Variants in TNRC6B observed in about 807,000 individuals in gnomAD.
TNRC6B encodes the protein trinucleotide repeat-containing gene 6B protein.
A neutral mutation model predicts 203.6 loss-of-function variants in TNRC6B; 52 were observed. That is an observed-to-expected ratio of 0.26 (90% CI 0.20 to 0.32). The LOEUF (loss-of-function observed/expected upper bound fraction) is 0.32, where lower values mean the gene tolerates loss of function less well. TNRC6B is among the 10% of genes least tolerant of loss of function. The probability of loss-of-function intolerance (pLI) is 1.00; values close to 1 mark genes in which losing one functional copy is unlikely to be tolerated. For synonymous variants in TNRC6B, 838 were observed against 845.7 expected (o/e 0.99, Z 0.16); for missense variants, 1,923 against 2,286.2 (o/e 0.84, Z 3.24).
intron 1 of TNRC6B, among the ~76,000 whole-genome samples, chr22:40,072,196 CAG>C (rs1191101444): frequency 6.6e-6 from 1 of 152,056 alleles, no homozygotes; most frequent in Non-Finnish European, 1.5e-5. Flanking sequence ...TATTCAGACA[CAG>C]AGATTGAAAT....
At chr22:40,151,573 A>AC (rs2068755677) in intron 3 of TNRC6B, among the ~76,000 whole-genome samples, 1 of 137,950 alleles carries the variant, frequency 7.2e-6, no homozygotes, top group Non-Finnish European at 1.6e-5. Flanking sequence ...AAAAACTAAA[A>AC]CAAAAACTCT....
chr22:40,062,545 C>T (rs1344666873), intron 1 of TNRC6B, among the ~76,000 whole-genome samples: 2 of 152,126 alleles, frequency 1.3e-5, no homozygotes, highest in Non-Finnish European at 1.5e-5. Flanking sequence ...AACCATTTGA[C>T]GAACAACCAG....
At chr22:40,169,550 G>A (rs569248447) in intron 4 of TNRC6B, among the ~76,000 whole-genome samples, 93 of 152,234 alleles carry the variant, frequency 6.1e-4, no homozygotes, top group Non-Finnish European at 6.0e-4. Flanking sequence ...AATATACTGC[G>A]TACTTACATA....
chr22:40,252,715 G>A (rs1465617433), intron 3 of TNRC6B, among the ~76,000 whole-genome samples: 1 of 152,142 alleles, frequency 6.6e-6, no homozygotes, highest in Non-Finnish European at 1.5e-5. Flanking sequence ...CCAGAAGTAG[G>A]CTTTATTTTG....
In TNRC6B at chr22:40,198,626, A is replaced by G. The variant is rs565102281; in HGVS notation, c.5+20486A>G. 2.0e-5 allele frequency among the ~76,000 whole-genome samples: 3 copies of G among 152,246 alleles called. No homozygotes were observed. In the South Asian group the frequency reaches 6.2e-4, roughly 32 times the overall value. ...AAGTATGTTCAGGATAATGGCCCCCAGCAGCTCTCACTGTTGAAGAACATT... is the reference window on the plus strand; with the variant it reads ...AAGTATGTTCAGGATAATGGCCCCCGGCAGCTCTCACTGTTGAAGAACATT... On this transcript the variant is annotated intron_variant, in intron 1 of 22. Coordinates refer to ENST00000454349, the MANE Select transcript of TNRC6B (RefSeq NM_001162501.2).
chr22:40,064,993 A>G (rs1475274450), intron 1 of TNRC6B, among the ~76,000 whole-genome samples: 4 of 151,850 alleles, frequency 2.6e-5, no homozygotes, highest in Non-Finnish European at 4.4e-5. Flanking sequence ...TATGTTCATA[A>G]GAGATAATGG....
At chr22:40,096,882 A>T (rs997003420) in intron 1 of TNRC6B, among the ~76,000 whole-genome samples, 3 of 152,216 alleles carry the variant, frequency 2.0e-5, no homozygotes, top group Non-Finnish European at 4.4e-5. Context: ...ATTGTTCTGA[A>T]AAGAACAAGT....
rs1195687611 is a variant in TNRC6B at position 40,266,458 on chromosome 22, C to A, written c.2228C>A (p.Ser743Tyr). 1 of 1,613,686 alleles carries A rather than the reference C, an allele frequency of 6.2e-7. No individual in the cohort carries two copies. The highest frequency in any genetic ancestry group is 8.5e-7 in the Non-Finnish European group (1 of 1,179,788). ...GGGRQPNQGW[S>Y]SGKNGWGEEV... is the part of the protein sequence containing the mutation. The stretch of plus-strand genomic sequence containing the variant: ...GGACGCCAGCCCAATCAAGGATGGT[C>A]TTCTGGAAAGAATGGTTGGGGGGAG... The change falls in exon 5 of 23, where the codon TCT (serine) becomes TAT (tyrosine). Residue 743 changes from serine (S) to tyrosine (Y), a missense_variant. This residue lies in a region of TNRC6B where 599 missense variants were observed against 656.5 expected (regional missense o/e 0.91). Transcript: ENST00000454349.
intron 1 of TNRC6B, among the ~76,000 whole-genome samples, chr22:40,063,234 A>C (rs377756191): frequency 3.5e-4 from 54 of 152,160 alleles, no homozygotes; most frequent in African/African-American, 1.3e-3. Flanking sequence ...ATTGGCTGTA[A>C]TTGAGGGTTT....
At chr22:40,304,370 C>T (rs955783086) in intron 15 of TNRC6B, among the ~76,000 whole-genome samples, 1 of 152,100 alleles carries the variant, frequency 6.6e-6, no homozygotes, top group South Asian at 2.1e-4. Context: ...CTGGTAATCC[C>T]AGCACTTTGG....
intron 3 of TNRC6B, among the ~76,000 whole-genome samples, chr22:40,130,632 A>C (rs2068532929): frequency 6.6e-6 from 1 of 151,306 alleles, no homozygotes; most frequent in Non-Finnish European, 1.5e-5. Flanking sequence ...ATGCAAAAAA[A>C]AAAAATTAGC....
chr22:40,264,635 A>G, intron 4 of TNRC6B, 53 bp from the exon 5 acceptor site: 1 of 1,521,034 alleles, frequency 6.6e-7, no homozygotes, highest in Non-Finnish European at 8.8e-7. Context: ...TGAGGGATTA[A>G]TGGGTAATGA....
intron 1 of TNRC6B, among the ~76,000 whole-genome samples, chr22:40,239,160 G>A (rs1601911205): frequency 1.3e-5 from 2 of 152,080 alleles, no homozygotes; most frequent in South Asian, 4.1e-4. Context: ...CTGAGATTGC[G>A]CCACGGCACT....
intron 12 of TNRC6B, among the ~76,000 whole-genome samples, chr22:40,286,471 C>T (rs1470416829): frequency 1.3e-5 from 2 of 151,970 alleles, no homozygotes; most frequent in Non-Finnish European, 2.9e-5. Context: ...GATGCCACTG[C>T]ACTCCAGCCT....
intron 1 of TNRC6B, among the ~76,000 whole-genome samples, chr22:40,091,836 T>C (rs764747980): frequency 6.6e-6 from 1 of 152,142 alleles, no homozygotes; most frequent in Non-Finnish European, 1.5e-5. Context: ...AAAAAAACTT[T>C]CCTTGAGAAT....
At chr22:40,296,523 G>A (rs1356503557) in intron 12 of TNRC6B, among the ~76,000 whole-genome samples, 2 of 151,774 alleles carry the variant, frequency 1.3e-5, no homozygotes, top group African/African-American at 2.4e-5. Context: ...TAGTAGAGAC[G>A]GGGTTTCACC....
intron 1 of TNRC6B, among the ~76,000 whole-genome samples, chr22:40,186,488 C>G (rs1458229501): frequency 6.6e-6 from 1 of 151,662 alleles, no homozygotes. Flanking sequence ...ACCTGTAATC[C>G]CAGCACTTTG....
At chr22:40,148,082 G>A (rs910914244) in intron 3 of TNRC6B, among the ~76,000 whole-genome samples, 1 of 152,092 alleles carries the variant, frequency 6.6e-6, no homozygotes. Context: ...CAAAAGACTT[G>A]AAGACACTAC....
intron 3 of TNRC6B, among the ~76,000 whole-genome samples, chr22:40,255,997 C>T (rs1207418411): frequency 6.6e-6 from 1 of 152,130 alleles, no homozygotes; most frequent in East Asian, 1.9e-4. Flanking sequence ...GGACTACAGG[C>T]ACATGCCACC....
Sources: gnomAD v4.1 joint callset for allele counts (sites outside exome capture counted in the v4.1 genomes callset) on GRCh38, gnomAD v4.1.1 for gene constraint, gnomAD v4.1.1 regional missense constraint, MANE v1.5 for transcripts, NCBI Gene and HGNC (gene_info 2026-07-23, HGNC 2026-07-21) for gene names.